The following PEBP4 variants were observed in gnomAD, a reference collection of about 807,000 sequenced individuals.
PEBP4 encodes phosphatidylethanolamine-binding protein 4.
Under a neutral mutation model 23.9 loss-of-function variants are expected in PEBP4, and 22 were observed. That is an observed-to-expected ratio of 0.92 (90% CI 0.66 to 1.31). PEBP4 has a LOEUF of 1.31. Ranked by LOEUF, PEBP4 falls within the 40% of genes most tolerant of loss-of-function variation. The pLI, the probability that PEBP4 is intolerant of heterozygous loss-of-function variation, is 0.00. For synonymous variants in PEBP4, 112 were observed against 99.3 expected (o/e 1.13, Z -0.76); for missense variants, 324 against 281.7 (o/e 1.15, Z -1.07).
At chr8:22,847,767 G>A (rs1235518822) in intron 3 of PEBP4, among the ~76,000 whole-genome samples, 3 of 152,106 alleles carry the variant, frequency 2.0e-5, no homozygotes, top group Non-Finnish European at 4.4e-5. Flanking sequence ...GGAAGCTGAG[G>A]ATGGTCTGAG....
At chr8:22,731,235 C>CTCCACCTCT (rs1421220722) in intron 4 of PEBP4, among the ~76,000 whole-genome samples, 1 of 152,172 alleles carries the variant, frequency 6.6e-6, no homozygotes, top group African/African-American at 2.4e-5. Flanking sequence ...GTTGCACCTC[C>CTCCACCTCT]TCCACCTCTT....
intron 3 of PEBP4, among the ~76,000 whole-genome samples, chr8:22,818,941 T>C (rs1225894432): frequency 6.6e-6 from 1 of 152,038 alleles, no homozygotes; most frequent in African/African-American, 2.4e-5. Context: ...AACTGGGCCA[T>C]TAAATGGTAC....
At chr8:22,874,255 G>A (rs1207182497) in intron 3 of PEBP4, among the ~76,000 whole-genome samples, 1 of 151,862 alleles carries the variant, frequency 6.6e-6, no homozygotes, top group South Asian at 2.1e-4. Flanking sequence ...GGAAAATGAA[G>A]AGGAAAAAAA....
intron 3 of PEBP4, among the ~76,000 whole-genome samples, chr8:22,874,593 G>GA (rs1164652234): frequency 6.6e-6 from 1 of 151,764 alleles, no homozygotes; most frequent in Non-Finnish European, 1.5e-5. Context: ...GAGTAAGAAA[G>GA]AAAAAAGTCA....
chr8:22,931,447 T>C (rs1051759795), upstream of PEBP4, among the ~76,000 whole-genome samples: 1 of 152,178 alleles, frequency 6.6e-6, no homozygotes, highest in African/African-American at 2.4e-5. Flanking sequence ...TCTATGAATT[T>C]GCCTATTTTG....
chr8:22,843,757 G>A (rs1176856762), intron 3 of PEBP4, among the ~76,000 whole-genome samples: 1 of 152,202 alleles, frequency 6.6e-6, no homozygotes, highest in Non-Finnish European at 1.5e-5. Flanking sequence ...CTTATGACAA[G>A]GGCCACTCCT....
intron 4 of PEBP4, among the ~76,000 whole-genome samples, chr8:22,771,478 G>A (rs930142078): frequency 6.6e-6 from 1 of 151,956 alleles, no homozygotes; most frequent in South Asian, 2.1e-4. Context: ...GACGGAGTGA[G>A]AGTCCATCTC....
intron 2 of PEBP4, among the ~76,000 whole-genome samples, chr8:22,927,225 GA>G (rs766081595): frequency 1.3e-5 from 2 of 152,106 alleles, no homozygotes; most frequent in Non-Finnish European, 2.9e-5. Flanking sequence ...GTTCTGGGGA[GA>G]GGGGGCATTC....
At chr8:22,866,779 T>C (rs1176454060) in intron 3 of PEBP4, among the ~76,000 whole-genome samples, 1 of 152,076 alleles carries the variant, frequency 6.6e-6, no homozygotes, top group African/African-American at 2.4e-5. Context: ...ATAAGCGCCA[T>C]ATTTTTCTTC....
In PEBP4 at chr8:22,795,470, C is replaced by T. The variant is rs1184882256; in HGVS notation, c.357+22167G>A. Among the ~76,000 whole-genome samples, 3 of 152,058 alleles carry T rather than the reference C, an allele frequency of 2.0e-5. No homozygotes were observed. In the East Asian group the frequency reaches 5.8e-4, roughly 29 times the overall value. ...GATTACAGGCATGAACCACTGCTCCCGGCCTAATTATTATATTTTTATAAC... is the reference window on the plus strand; with the variant it reads ...GATTACAGGCATGAACCACTGCTCCTGGCCTAATTATTATATTTTTATAAC... On this transcript the variant is annotated intron_variant, in intron 4 of 6. Coordinates refer to ENST00000256404, the MANE Select transcript of PEBP4 (RefSeq NM_144962.3).
At chr8:22,811,081 T>TTCTC (rs1044442326) in intron 4 of PEBP4, among the ~76,000 whole-genome samples, 3 of 151,604 alleles carry the variant, frequency 2.0e-5, no homozygotes, top group Non-Finnish European at 4.4e-5. Context: ...CTCTCTTTCT[T>TTCTC]TCTCTCTCTC....
At chr8:22,813,182 C>T (rs1806668977) in intron 4 of PEBP4, among the ~76,000 whole-genome samples, 1 of 152,062 alleles carries the variant, frequency 6.6e-6, no homozygotes, top group African/African-American at 2.4e-5. Context: ...AAATAATGAC[C>T]CTTTAGAGAC....
intron 4 of PEBP4, among the ~76,000 whole-genome samples, chr8:22,760,476 G>A (rs1316423313): frequency 6.6e-6 from 1 of 152,138 alleles, no homozygotes; most frequent in Non-Finnish European, 1.5e-5. Context: ...GGTGCTTGGT[G>A]GATGCTTATG....
intron 4 of PEBP4, among the ~76,000 whole-genome samples, chr8:22,768,227 G>A (rs1050001822): frequency 7.2e-5 from 11 of 152,138 alleles, no homozygotes; most frequent in African/African-American, 1.4e-4. Context: ...GACTGCCCAC[G>A]AACACTTCTT....
intron 6 of PEBP4, among the ~76,000 whole-genome samples, chr8:22,722,608 TTTAA>T (rs1302043651): frequency 6.6e-6 from 1 of 152,214 alleles, no homozygotes; most frequent in African/African-American, 2.4e-5. Flanking sequence ...TGCATTGTTG[TTTAA>T]TTGTTTCCAA....
intron 3 of PEBP4, among the ~76,000 whole-genome samples, chr8:22,869,124 C>A (rs1465581050): frequency 1.3e-5 from 2 of 152,156 alleles, no homozygotes; most frequent in Non-Finnish European, 2.9e-5. Context: ...GGCCCCTCTG[C>A]CTTCTTTCTC....
At chr8:22,939,849 C>G (rs1246007390) in intron 1 of PEBP4, among the ~76,000 whole-genome samples, 2 of 152,164 alleles carry the variant, frequency 1.3e-5, no homozygotes. Flanking sequence ...CAGGACCTTC[C>G]CACTCCAGGG....
intron 2 of PEBP4, among the ~76,000 whole-genome samples, chr8:22,923,468 G>A (rs938657298): frequency 2.6e-5 from 4 of 152,122 alleles, no homozygotes; most frequent in African/African-American, 9.7e-5. Context: ...ATGGGAGGCT[G>A]AGGTGGGAGG....
At chr8:22,899,844 G>A (rs1808676138) in intron 3 of PEBP4, among the ~76,000 whole-genome samples, 1 of 152,184 alleles carries the variant, frequency 6.6e-6, no homozygotes, top group African/African-American at 2.4e-5. Context: ...TGGGACAGAA[G>A]GGATGACCAG....
Sources: allele counts gnomAD v4.1 joint callset (sites outside exome capture counted in the v4.1 genomes callset), GRCh38; gene constraint gnomAD v4.1.1; transcripts MANE v1.5; gene names NCBI Gene and HGNC (gene_info 2026-07-23, HGNC 2026-07-21).